FAM81B: variants seen among roughly 807,000 people sequenced by gnomAD.
The protein encoded by FAM81B is family with sequence similarity 81 member B.
In FAM81B, 60 loss-of-function variants were observed where a neutral mutation model predicts 58.7. The ratio of observed to expected loss-of-function variants is 1.02; its 90% CI spans 0.83 to 1.27. The LOEUF is 1.27. Ranked by LOEUF, FAM81B falls within the 50% of genes most tolerant of loss-of-function variation. The pLI, the probability that FAM81B is intolerant of heterozygous loss-of-function variation, is 0.00. For synonymous variants in FAM81B, 189 were observed against 179.6 expected, an observed-to-expected ratio of 1.05 and a Z score of -0.42; for missense variants, 491 against 522.0, an observed-to-expected ratio of 0.94 and a Z score of 0.58.
chr5:95,439,368 GA>G (rs1399948470), intron 7 of FAM81B, among the ~76,000 whole-genome samples: 1 of 150,708 alleles, frequency 6.6e-6, no homozygotes. Context: ...AACCAATGAT[GA>G]ATGTGTTCTC....
chr5:95,415,300 C>T (rs1256528497), intron 4 of FAM81B, among the ~76,000 whole-genome samples: 2 of 152,104 alleles, frequency 1.3e-5, no homozygotes, highest in Non-Finnish European at 2.9e-5. Flanking sequence ...CGATACTTGT[C>T]CTTTTCTACT....
chr5:95,423,456 G>A (rs552999700), intron 5 of FAM81B, among the ~76,000 whole-genome samples: 17 of 151,002 alleles, frequency 1.1e-4, no homozygotes, highest in Non-Finnish European at 2.5e-4. Context: ...CCCTAGGGAT[G>A]GATATGACTT....
chr5:95,438,658 G>A (rs1373637966), intron 7 of FAM81B, among the ~76,000 whole-genome samples: 1 of 151,840 alleles, frequency 6.6e-6, no homozygotes, highest in Non-Finnish European at 1.5e-5. Context: ...ATTACAGTAG[G>A]TGGCAGTGAC....
chr5:95,433,041 G>C (rs1417873836), intron 6 of FAM81B, among the ~76,000 whole-genome samples: 1 of 152,008 alleles, frequency 6.6e-6, no homozygotes, highest in Non-Finnish European at 1.5e-5. Flanking sequence ...ATATCCCCCG[G>C]AGTTTAACAT....
chr5:95,436,279 G>C (rs1482731177), intron 6 of FAM81B, among the ~76,000 whole-genome samples: 2 of 152,124 alleles, frequency 1.3e-5, no homozygotes, highest in African/African-American at 2.4e-5. Context: ...TTGTGCTCAT[G>C]TCAGAATACT....
chr5:95,437,860 C>T (rs1745166978), intron 7 of FAM81B, among the ~76,000 whole-genome samples: 1 of 151,904 alleles, frequency 6.6e-6, no homozygotes, highest in South Asian at 2.1e-4. Context: ...CATACTGTCC[C>T]TTATGCTCTT....
chr5:95,446,634 C>G lies in FAM81B; in HGVS notation c.966C>G (p.Leu322=). 1 of 1,613,278 alleles carries G rather than the reference C, an allele frequency of 6.2e-7. No individual in the cohort carries two copies. Among genetic ancestry groups the G allele is most frequent in the Non-Finnish European group, 8.5e-7 (1 of 1,179,760 alleles). Residue 322 remains leucine, a synonymous_variant, in exon 8 of 10, where the codon CTC becomes CTG. Transcript: ENST00000283357. The part of the protein sequence containing the change: ...NNKKWTENQF[L]KYRKDHLGHI... ...AAAAATGGACAGAAAACCAATTTCT[C>G]AAATATAGAAAAGACCACCTGGGCC...
chr5:95,397,358 C>T (rs1761991989), intron 3 of FAM81B, among the ~76,000 whole-genome samples: 1 of 152,104 alleles, frequency 6.6e-6, no homozygotes, highest in Admixed American at 6.5e-5. Context: ...GAGTTAAGGA[C>T]AATGAATGTA....
At chr5:95,433,302 T>C (rs1744972487) in intron 6 of FAM81B, among the ~76,000 whole-genome samples, 1 of 151,996 alleles carries the variant, frequency 6.6e-6, no homozygotes, top group South Asian at 2.1e-4. Context: ...GCAAGAGAAG[T>C]GCCAAGCAAA....
At chr5:95,445,246 T>C (rs1745509906) in intron 7 of FAM81B, among the ~76,000 whole-genome samples, 1 of 152,246 alleles carries the variant, frequency 6.6e-6, no homozygotes, top group South Asian at 2.1e-4. Context: ...ATTATTACTT[T>C]AACTGTCTGT....
intron 3 of FAM81B, among the ~76,000 whole-genome samples, chr5:95,404,853 A>C (rs543429787): frequency 2.0e-5 from 3 of 152,216 alleles, no homozygotes; most frequent in Admixed American, 2.0e-4. Context: ...ATAATGACAA[A>C]TGCTTTCTAG....
chr5:95,401,143 G>A (rs1762102039), intron 3 of FAM81B, among the ~76,000 whole-genome samples: 1 of 152,068 alleles, frequency 6.6e-6, no homozygotes, highest in Non-Finnish European at 1.5e-5. Context: ...AAAACCAATC[G>A]TACCAGGCAC....
chr5:95,446,870 G>C (rs1745588374), intron 8 of FAM81B, among the ~76,000 whole-genome samples, 173 bp downstream of exon 8: 2 of 150,478 alleles, frequency 1.3e-5, no homozygotes, highest in South Asian at 2.1e-4. Flanking sequence ...GGTCCTGTTT[G>C]CTACTCCCCA....
chr5:95,395,578 C>G (rs1289550168), intron 2 of FAM81B, among the ~76,000 whole-genome samples: 2 of 151,988 alleles, frequency 1.3e-5, no homozygotes, highest in Non-Finnish European at 1.5e-5. Flanking sequence ...CTAGTAGTAC[C>G]ATTTTATTGA....
intron 3 of FAM81B, among the ~76,000 whole-genome samples, chr5:95,401,614 C>T (rs1292784934): frequency 1.3e-5 from 2 of 152,036 alleles, no homozygotes; most frequent in Non-Finnish European, 2.9e-5. Flanking sequence ...ACTCTCTGCA[C>T]TCAGACCGTA....
intron 6 of FAM81B, among the ~76,000 whole-genome samples, chr5:95,429,362 G>A (rs1744780680): frequency 6.6e-6 from 1 of 152,152 alleles, no homozygotes; most frequent in African/African-American, 2.4e-5. Context: ...TCACTAAAGT[G>A]GAGCCCAATG....
At chr5:95,419,970 T>A (rs1762634220) in intron 4 of FAM81B, among the ~76,000 whole-genome samples, 1 of 152,210 alleles carries the variant, frequency 6.6e-6, no homozygotes, top group Non-Finnish European at 1.5e-5. Flanking sequence ...CCATATATGG[T>A]TTACAAAAGA....
intron 3 of FAM81B, among the ~76,000 whole-genome samples, chr5:95,408,178 A>G (rs1192061734): frequency 6.6e-6 from 1 of 152,150 alleles, no homozygotes; most frequent in East Asian, 1.9e-4. Context: ...GGAGCAAACC[A>G]CACATATTGA....
At chr5:95,437,498 C>T (rs1043639174) in intron 7 of FAM81B, among the ~76,000 whole-genome samples, 13 of 152,282 alleles carry the variant, frequency 8.5e-5, no homozygotes, top group South Asian at 2.1e-4. Context: ...GCATGTACCA[C>T]GACACCTAAT....
Sources: allele counts gnomAD v4.1 joint callset (sites outside exome capture counted in the v4.1 genomes callset), GRCh38; gene constraint gnomAD v4.1.1; transcripts MANE v1.5; gene names NCBI Gene and HGNC (gene_info 2026-07-23, HGNC 2026-07-21).